Variants in LIMS1 observed in about 807,000 individuals in gnomAD.
LIMS1 encodes the protein LIM and senescent cell antigen-like-containing domain protein 1.
In LIMS1, 18 loss-of-function variants were observed where a neutral mutation model predicts 44.1. The ratio of observed to expected loss-of-function variants is 0.41; its 90% CI spans 0.28 to 0.61. The LOEUF (loss-of-function observed/expected upper bound fraction) is 0.61. Ranked by LOEUF, LIMS1 falls within the 20% of genes least tolerant of loss-of-function variation. LIMS1 has a pLI of 0.32. For missense variants in LIMS1, 201 were observed against 422.0 expected (o/e 0.48, Z 4.59); for synonymous variants, 93 against 149.1 (o/e 0.62, Z 2.74).
rs1345966943 is a variant in LIMS1 at position 108,534,441 on chromosome 2, C to G, written c.-122C>G. On this transcript the variant is annotated 5_prime_UTR_variant, in exon 1 of 10. Coordinates refer to ENST00000544547, the Ensembl canonical transcript of LIMS1. ...CGCCCCCGCGCGGCCGGCCCCTGGC[C>G]TTCCTCCCCTTCCTGCTCCGGGCCC... 3.9e-6 allele frequency: 3 copies of G among 771,848 alleles called. No homozygotes were observed. In the South Asian group the frequency reaches 1.9e-4, roughly 48 times the overall value. The allele number at this position is 771,848 out of a possible 1,614,324, so 47.8% of individuals were successfully genotyped here.
intron 1 of LIMS1, among the ~76,000 whole-genome samples, chr2:108,596,909 A>C (rs923425977): frequency 2.1e-5 from 3 of 143,998 alleles, no homozygotes; most frequent in Non-Finnish European, 4.5e-5. Context: ...TCCCTACGAA[A>C]CATCTGTTTT....
At chr2:108,544,060 T>C (rs1684404354) in intron 1 of LIMS1, among the ~76,000 whole-genome samples, 2 of 152,102 alleles carry the variant, frequency 1.3e-5, no homozygotes, top group South Asian at 2.1e-4. Context: ...TTTTCTCTCT[T>C]CTCTCTTTCC....
chr2:108,570,382 A>G (rs1045301626), intron 1 of LIMS1, among the ~76,000 whole-genome samples: 1 of 151,092 alleles, frequency 6.6e-6, no homozygotes, highest in Non-Finnish European at 1.5e-5. Flanking sequence ...GTGAGCCGAG[A>G]TCTCACCACT....
intron 1 of LIMS1, among the ~76,000 whole-genome samples, chr2:108,544,107 G>A (rs1684405957): frequency 6.6e-6 from 1 of 152,164 alleles, no homozygotes; most frequent in Admixed American, 6.6e-5. Context: ...AAATTTAAAG[G>A]AGGAAGTGGT....
intron 1 of LIMS1, among the ~76,000 whole-genome samples, chr2:108,572,958 T>C (rs1685536026): frequency 6.6e-6 from 1 of 152,196 alleles, no homozygotes; most frequent in Non-Finnish European, 1.5e-5. Context: ...TTCCGCAGCT[T>C]CCTGGGCCAC....
intron 2 of LIMS1, among the ~76,000 whole-genome samples, chr2:108,660,957 C>A (rs1691321297): frequency 7.1e-6 from 1 of 140,388 alleles, no homozygotes; most frequent in African/African-American, 2.7e-5. Flanking sequence ...TTGATTTCTT[C>A]TTTTGCCTAG....
rs150416592 is a variant in LIMS1 at position 108,577,896 on chromosome 2, G to A, written c.32+43302G>A. ...GTTAAATGCTATTCTGAGATTGTAT[G>A]TTTTGTTTTGTTTTGTTTTGTTTTT... On this transcript the variant is annotated intron_variant, in intron 1 of 9. Coordinates refer to ENST00000544547, the Ensembl canonical transcript of LIMS1. Among the ~76,000 whole-genome samples the A allele has an allele frequency of 2.3e-3, 347 of 152,118 alleles. 1 individual carries two copies. The highest frequency in any genetic ancestry group is 7.7e-3 in the African/African-American group (320 of 41,500).
intron 1 of LIMS1, among the ~76,000 whole-genome samples, chr2:108,653,970 A>G (rs1455689557): frequency 1.4e-5 from 2 of 146,866 alleles, no homozygotes; most frequent in African/African-American, 2.5e-5. Context: ...TACGTGAACA[A>G]TAGGGCAGAG....
At chr2:108,601,471 A>C (rs1687012468) in intron 1 of LIMS1, among the ~76,000 whole-genome samples, 1 of 152,170 alleles carries the variant, frequency 6.6e-6, no homozygotes, top group East Asian at 1.9e-4. Context: ...GAACACAAAA[A>C]GGTCACAACT....
chr2:108,670,894 G>T, intron 3 of LIMS1, 47 bp downstream of exon 3: 2 of 1,400,692 alleles, frequency 1.4e-6, no homozygotes, highest in Non-Finnish European at 2.0e-6. Context: ...TTTCCGGCCA[G>T]GCGCGGTGGC....
chr2:108,553,370 C>T (rs1684824338), intron 1 of LIMS1, among the ~76,000 whole-genome samples: 1 of 151,970 alleles, frequency 6.6e-6, no homozygotes, highest in African/African-American at 2.4e-5. Context: ...GTTATATAAA[C>T]TTGGAGAGCC....
chr2:108,606,226 G>A (rs1687260702), intron 1 of LIMS1, among the ~76,000 whole-genome samples: 4 of 152,258 alleles, frequency 2.6e-5, no homozygotes, highest in Admixed American at 2.6e-4. Context: ...AGTTGGAGTT[G>A]TGGTTTTACA....
intron 1 of LIMS1, among the ~76,000 whole-genome samples, chr2:108,549,013 CTT>C (rs1456268097): frequency 3.9e-5 from 6 of 152,092 alleles, no homozygotes; most frequent in Non-Finnish European, 7.4e-5. Context: ...GAATATAGCA[CTT>C]TTCTACAAAA....
At chr2:108,631,335 A>C (rs1405117478) in intron 1 of LIMS1, among the ~76,000 whole-genome samples, 1 of 152,146 alleles carries the variant, frequency 6.6e-6, no homozygotes, top group Non-Finnish European at 1.5e-5. Flanking sequence ...TTGAATAACT[A>C]CTTAGTAATT....
chr2:108,605,366 C>A (rs1687217899), intron 1 of LIMS1, among the ~76,000 whole-genome samples: 1 of 152,160 alleles, frequency 6.6e-6, no homozygotes, highest in African/African-American at 2.4e-5. Flanking sequence ...ATTCAAATAT[C>A]ATTTATTAAA....
intron 3 of LIMS1, among the ~76,000 whole-genome samples, chr2:108,671,955 G>A (rs559789498): frequency 1.1e-4 from 16 of 152,200 alleles, no homozygotes; most frequent in Non-Finnish European, 1.6e-4. Flanking sequence ...CAAGACGGGC[G>A]GATCACCTGA....
intron 2 of LIMS1, among the ~76,000 whole-genome samples, chr2:108,667,412 C>G (rs1168207403): frequency 6.6e-6 from 1 of 151,888 alleles, no homozygotes; most frequent in African/African-American, 2.4e-5. Flanking sequence ...AGATTTTGAA[C>G]GCAGGCAGTC....
intron 2 of LIMS1, chr2:108,662,672 CT>C (rs1691461943): frequency 2.1e-6 from 2 of 945,162 alleles, no homozygotes; most frequent in African/African-American, 1.8e-5. Flanking sequence ...ATAATCTTCA[CT>C]TTCAGTTATA....
intron 1 of LIMS1, among the ~76,000 whole-genome samples, chr2:108,559,820 A>C (rs2104608603): frequency 6.6e-6 from 1 of 152,318 alleles, no homozygotes; most frequent in African/African-American, 2.4e-5. Context: ...AAACAATTAT[A>C]AACTGGTTTG....
Sources: allele counts gnomAD v4.1 joint callset (sites outside exome capture counted in the v4.1 genomes callset), GRCh38; gene constraint gnomAD v4.1.1; transcripts MANE v1.5; gene names NCBI Gene and HGNC (gene_info 2026-07-23, HGNC 2026-07-21).